KDM4C: variants seen among roughly 807,000 people sequenced by gnomAD.
KDM4C encodes the protein lysine demethylase 4C, also known as lysine-specific demethylase 4C.
In KDM4C, 81 loss-of-function variants were observed where a neutral mutation model predicts 129.3. The observed-to-expected ratio is 0.63, with a 90% CI of 0.52 to 0.75. The LOEUF (loss-of-function observed/expected upper bound fraction) is 0.75, where lower values mean the gene tolerates loss of function less well. Among genes scored for constraint, KDM4C ranks in the 30% least tolerant of loss-of-function variants. The probability of loss-of-function intolerance (pLI) is 0.00; values close to 1 mark genes in which losing one functional copy is unlikely to be tolerated. For synonymous variants in KDM4C, 573 were observed against 456.1 expected, an observed-to-expected ratio of 1.26 and a Z score of -3.26; for missense variants, 1,457 against 1,304.0, an observed-to-expected ratio of 1.12 and a Z score of -1.81.
At chr9:7,023,348 C>G (rs1271602803) in intron 15 of KDM4C, among the ~76,000 whole-genome samples, 1 of 152,024 alleles carries the variant, frequency 6.6e-6, no homozygotes, top group East Asian at 1.9e-4. Flanking sequence ...TTTTGGATTT[C>G]TTTATGATTC....
intron 9 of KDM4C, among the ~76,000 whole-genome samples, chr9:6,983,687 T>G (rs1817179099): frequency 6.6e-6 from 1 of 152,152 alleles, no homozygotes; most frequent in African/African-American, 2.4e-5. Flanking sequence ...TTTTCATACA[T>G]ACCTGACAAT....
intron 3 of KDM4C, 106 bp downstream of exon 3, chr9:6,805,880 C>A: frequency 9.6e-7 from 1 of 1,037,430 alleles, no homozygotes; most frequent in African/African-American, 1.6e-5. Flanking sequence ...AGGAGTCTCC[C>A]ATGCAATTTT....
intron 2 of KDM4C, among the ~76,000 whole-genome samples, chr9:6,797,820 C>G (rs1828036521): frequency 6.6e-6 from 1 of 152,196 alleles, no homozygotes; most frequent in Non-Finnish European, 1.5e-5. Context: ...TGCAAATGCA[C>G]ATTTTAGCAG....
chr9:6,901,788 C>T (rs1289603240), intron 8 of KDM4C, among the ~76,000 whole-genome samples: 1 of 152,178 alleles, frequency 6.6e-6, no homozygotes, highest in East Asian at 1.9e-4. Context: ...CATTTCGTGA[C>T]ACATATTTAC....
chr9:6,779,872 A>C lies in KDM4C; in HGVS notation c.-17-13100A>C, dbSNP rs115006873. Among the ~76,000 whole-genome samples the C allele has an allele frequency of 3.2e-3, 494 of 152,350 alleles. 5 individuals carry two copies. The highest frequency in any genetic ancestry group is 0.012 in the African/African-American group (481 of 41,572). On this transcript the variant is annotated intron_variant, in intron 1 of 21. Transcript: ENST00000381309. The stretch of plus-strand genomic sequence containing the variant: ...CACTCCTATTTGCGTTTTGATAATA[A>C]TCCTTTCTAATAATTGGTTCATTGG...
At chr9:7,151,933 G>A (rs1005015374) in intron 19 of KDM4C, among the ~76,000 whole-genome samples, 3 of 152,162 alleles carry the variant, frequency 2.0e-5, no homozygotes, top group Non-Finnish European at 2.9e-5. Context: ...GCACAGAATT[G>A]GTTCTTTCGT....
intron 1 of KDM4C, among the ~76,000 whole-genome samples, chr9:6,777,923 T>C (rs1359547850): frequency 2.0e-5 from 3 of 150,994 alleles, no homozygotes; most frequent in Non-Finnish European, 3.0e-5. Flanking sequence ...GGCCTTTTTT[T>C]TTTTTTTTCT....
chr9:6,874,857 A>G (rs564036658), intron 5 of KDM4C, among the ~76,000 whole-genome samples: 2 of 151,576 alleles, frequency 1.3e-5, no homozygotes, highest in East Asian at 3.9e-4. Context: ...TGGGAGGCAG[A>G]GGTGGGAGGA....
chr9:7,081,937 G>C (rs967795043), intron 17 of KDM4C, among the ~76,000 whole-genome samples: 2 of 152,166 alleles, frequency 1.3e-5, no homozygotes, highest in Admixed American at 6.5e-5. Flanking sequence ...GGAACCCAGA[G>C]AGCTAGTTGC....
At chr9:6,873,919 A>C (rs1843160407) in intron 5 of KDM4C, among the ~76,000 whole-genome samples, 1 of 145,142 alleles carries the variant, frequency 6.9e-6, no homozygotes, top group South Asian at 2.3e-4. Flanking sequence ...AGAGAGCGAG[A>C]GAGAGAGAGA....
intron 19 of KDM4C, among the ~76,000 whole-genome samples, chr9:7,131,149 C>T (rs1400504478): frequency 6.6e-6 from 1 of 152,068 alleles, no homozygotes; most frequent in Non-Finnish European, 1.5e-5. Context: ...CTGATCTTTC[C>T]TCCTTTTGTG....
chr9:6,872,196 G>A (rs774887580), intron 5 of KDM4C, among the ~76,000 whole-genome samples: 1 of 152,072 alleles, frequency 6.6e-6, no homozygotes, highest in Non-Finnish European at 1.5e-5. Flanking sequence ...AGGTATGAAG[G>A]TTTTTAAACT....
At chr9:6,755,407 G>A (rs1339673346), upstream of KDM4C, among the ~76,000 whole-genome samples, 1 of 150,912 alleles carries the variant, frequency 6.6e-6, no homozygotes, top group Non-Finnish European at 1.5e-5. Flanking sequence ...TGGGCATTAT[G>A]GCACATGCCT....
chr9:6,842,140 G>C (rs1837047203), intron 4 of KDM4C, among the ~76,000 whole-genome samples: 2 of 152,000 alleles, frequency 1.3e-5, no homozygotes, highest in African/African-American at 4.8e-5. Context: ...ACAAATATAT[G>C]ATTCATTTTA....
chr9:6,721,066 A>T (rs533376090), intron 1 of KDM4C: 149 of 1,357,992 alleles, frequency 1.1e-4, no homozygotes, highest in Middle Eastern at 1.1e-3. Flanking sequence ...CACTTAAAGC[A>T]ATGTTAATTT....
chr9:6,807,873 C>T (rs557407291), intron 3 of KDM4C, among the ~76,000 whole-genome samples: 2 of 146,900 alleles, frequency 1.4e-5, no homozygotes, highest in Admixed American at 6.6e-5. Context: ...TGGCCAGCCG[C>T]CCCGTCCGGG....
chr9:6,793,544 T>C (rs954842670), intron 2 of KDM4C, among the ~76,000 whole-genome samples: 1 of 146,544 alleles, frequency 6.8e-6, no homozygotes, highest in Non-Finnish European at 1.5e-5. Context: ...CTTTCTTTCT[T>C]TTTTTTTTTT....
intron 5 of KDM4C, among the ~76,000 whole-genome samples, chr9:6,851,137 A>G (rs1315783447): frequency 2.0e-5 from 3 of 152,074 alleles, no homozygotes; most frequent in African/African-American, 4.8e-5. Flanking sequence ...CATTACTCAG[A>G]TGTTTATTTG....
intron 4 of KDM4C, among the ~76,000 whole-genome samples, chr9:6,827,287 G>A (rs183763910): frequency 5.9e-5 from 9 of 152,240 alleles, no homozygotes; most frequent in Admixed American, 2.0e-4. Context: ...GCTCTCTCTC[G>A]TTCCTTCCAG....
Sources: gnomAD v4.1 joint callset for allele counts (sites outside exome capture counted in the v4.1 genomes callset) on GRCh38, gnomAD v4.1.1 for gene constraint, MANE v1.5 for transcripts, NCBI Gene and HGNC (gene_info 2026-07-23, HGNC 2026-07-21) for gene names.